Variants in LRRC4C observed in about 807,000 individuals in gnomAD.
The protein encoded by LRRC4C is leucine-rich repeat-containing protein 4C.
Under a neutral mutation model 33.6 loss-of-function variants are expected in LRRC4C, and 5 were observed. That is an observed-to-expected ratio of 0.15 (90% CI 0.08 to 0.31). The LOEUF is 0.31. Among genes scored for constraint, LRRC4C ranks in the 10% least tolerant of loss-of-function variants. The pLI is 1.00. For missense variants in LRRC4C, 560 were observed against 796.7 expected, an observed-to-expected ratio of 0.70 and a Z score of 3.58; for synonymous variants, 329 against 302.0, an observed-to-expected ratio of 1.09 and a Z score of -0.93.
chr11:41,078,640 A>C (rs542552313), intron 1 of LRRC4C, among the ~76,000 whole-genome samples: 11 of 152,210 alleles, frequency 7.2e-5, no homozygotes, highest in African/African-American at 2.4e-4. Context: ...GAACAAGCAA[A>C]GGGGAAACCC....
intron 1 of LRRC4C, among the ~76,000 whole-genome samples, chr11:41,252,505 T>G (rs1948672729): frequency 6.6e-6 from 1 of 152,156 alleles, no homozygotes; most frequent in African/African-American, 2.4e-5. Context: ...GAAAACTTTT[T>G]AAAGTTTAGT....
At chr11:40,557,859 A>G (rs1957392376) in intron 3 of LRRC4C, among the ~76,000 whole-genome samples, 1 of 152,124 alleles carries the variant, frequency 6.6e-6, no homozygotes, top group Admixed American at 6.6e-5. Context: ...TTGAATCACT[A>G]CTGTTTGATG....
intron 1 of LRRC4C, among the ~76,000 whole-genome samples, chr11:41,248,154 T>C (rs1012175873): frequency 2.6e-5 from 4 of 152,250 alleles, no homozygotes; most frequent in Admixed American, 2.0e-4. Context: ...TTTTTTGATA[T>C]TGATATCTTA....
At chr11:40,376,721 ATGTGTGTGTGTG>A (rs61662311) in intron 3 of LRRC4C, among the ~76,000 whole-genome samples, 2 of 147,770 alleles carry the variant, frequency 1.4e-5, no homozygotes, top group African/African-American at 2.5e-5. Flanking sequence ...GTGTGTGCTT[ATGTGTGTGTGTG>A]TGTGTGTGTG....
chr11:41,020,914 T>A (rs1270888600), intron 1 of LRRC4C, among the ~76,000 whole-genome samples: 1 of 152,124 alleles, frequency 6.6e-6, no homozygotes, highest in Admixed American at 6.6e-5. Flanking sequence ...TTTGCCTAGT[T>A]AAAAATCCTA....
chr11:41,222,767 T>C (rs111515474), intron 1 of LRRC4C: 21 of 149,282 alleles, frequency 1.4e-4, no homozygotes, highest in African/African-American at 5.2e-4. Context: ...ACCAGATCCT[T>C]GTACAACTGG....
At chr11:40,370,057 A>G (rs905738612) in intron 3 of LRRC4C, among the ~76,000 whole-genome samples, 3 of 152,204 alleles carry the variant, frequency 2.0e-5, no homozygotes, top group African/African-American at 7.2e-5. Flanking sequence ...AAGAATACTT[A>G]CATCTGCAAG....
chr11:41,278,407 T>C (rs959081365), intron 1 of LRRC4C, among the ~76,000 whole-genome samples: 1 of 152,224 alleles, frequency 6.6e-6, no homozygotes, highest in East Asian at 1.9e-4. Flanking sequence ...TTGCTTAAAG[T>C]TGAAGTTTCC....
At chr11:40,605,257 G>T (rs1034116110) in intron 3 of LRRC4C, among the ~76,000 whole-genome samples, 1 of 152,094 alleles carries the variant, frequency 6.6e-6, no homozygotes, top group Non-Finnish European at 1.5e-5. Flanking sequence ...TGTGCTTTGA[G>T]AAAGAGGTAA....
At chr11:40,930,279 G>A (rs1267905788) in intron 2 of LRRC4C, among the ~76,000 whole-genome samples, 5 of 152,292 alleles carry the variant, frequency 3.3e-5, no homozygotes, top group Admixed American at 2.0e-4. Flanking sequence ...CTGGAGAGTA[G>A]AGACGCTGAT....
chr11:40,115,290 T>G lies in LRRC4C; in HGVS notation c.1003A>C (p.Asn335His). 1.2e-6 allele frequency: 2 copies of G among 1,614,040 alleles called. No homozygotes were observed. Among genetic ancestry groups the G allele is most frequent in the Non-Finnish European group, 1.7e-6 (2 of 1,179,978 alleles). The change falls in exon 7 of 7, where the codon AAT becomes CAT. Residue 335 changes from asparagine to histidine, a missense_variant. Physicochemically the swap from Asn to His is moderately conservative, Grantham distance 68 (BLOSUM62 1). This residue lies in a region of LRRC4C where 455 missense variants were observed against 643.8 expected (regional missense o/e 0.71). Transcript: ENST00000528697. The surrounding 1 kb of genome is among the most constrained non-coding windows in gnomAD (Gnocchi z 6.7). ...ACCARCNTPP[N>H]LKGRYIGELD... is the part of the protein sequence containing the mutation. ...TCTCCAATGTACCTCCCCTTTAGAT[T>G]GGGAGGAGTGTTACACCGGGCACAA...
At chr11:40,336,602 T>A (rs1946614552) in intron 3 of LRRC4C, among the ~76,000 whole-genome samples, 1 of 152,186 alleles carries the variant, frequency 6.6e-6, no homozygotes. Flanking sequence ...GCATTTAGCA[T>A]CACTTCAGTT....
intron 1 of LRRC4C, among the ~76,000 whole-genome samples, chr11:41,175,623 A>G (rs1707849693): frequency 6.6e-6 from 1 of 152,088 alleles, no homozygotes; most frequent in South Asian, 2.1e-4. Context: ...TAACTTCAAG[A>G]GGGTGGATAA....
At chr11:40,825,164 G>T (rs1276145315) in intron 2 of LRRC4C, among the ~76,000 whole-genome samples, 1 of 151,964 alleles carries the variant, frequency 6.6e-6, no homozygotes, top group East Asian at 1.9e-4. Context: ...GAAGTTAAAT[G>T]AATTATTCAG....
intron 5 of LRRC4C, among the ~76,000 whole-genome samples, chr11:40,215,773 G>T (rs866043734): frequency 1.1e-4 from 16 of 152,154 alleles, no homozygotes; most frequent in African/African-American, 3.9e-4. Context: ...CACAAAGGCA[G>T]TCTGGGAGAG....
intron 3 of LRRC4C, among the ~76,000 whole-genome samples, chr11:40,338,908 T>G (rs112142190): frequency 6.6e-6 from 1 of 152,338 alleles, no homozygotes; most frequent in African/African-American, 2.4e-5. Context: ...CAGAGATGAC[T>G]CATCCGATCA....
intron 2 of LRRC4C, among the ~76,000 whole-genome samples, chr11:40,737,990 C>T (rs1423455840): frequency 6.6e-6 from 1 of 152,092 alleles, no homozygotes; most frequent in Non-Finnish European, 1.5e-5. Context: ...GCTACAGTAA[C>T]CAAAACAGCA....
intron 1 of LRRC4C, among the ~76,000 whole-genome samples, chr11:40,950,677 G>A (rs1416678636): frequency 2.0e-5 from 3 of 151,948 alleles, no homozygotes; most frequent in African/African-American, 7.2e-5. Flanking sequence ...ATACAAAAAT[G>A]TATAAATAAC....
chr11:40,731,947 T>C (rs779064607), intron 2 of LRRC4C, among the ~76,000 whole-genome samples: 1 of 152,076 alleles, frequency 6.6e-6, no homozygotes, highest in Non-Finnish European at 1.5e-5. Context: ...ACTAAATAGA[T>C]GTTTGCATGG....
Sources: gnomAD v4.1 joint callset for allele counts (sites outside exome capture counted in the v4.1 genomes callset) on GRCh38, gnomAD v4.1.1 for gene constraint, gnomAD v4.1.1 regional missense constraint, Gnocchi (gnomAD v3.1) non-coding constraint, MANE v1.5 for transcripts, NCBI Gene and HGNC (gene_info 2026-07-23, HGNC 2026-07-21) for gene names.